The following ATP8A2 variants were observed in gnomAD, a reference collection of about 807,000 sequenced individuals.
The protein encoded by ATP8A2 is phospholipid-transporting ATPase IB.
A neutral mutation model predicts 165.6 loss-of-function variants in ATP8A2; 100 were observed. That is an observed-to-expected ratio of 0.60 (90% CI 0.51 to 0.71). The LOEUF (loss-of-function observed/expected upper bound fraction) is 0.71, where lower values mean the gene tolerates loss of function less well. Among genes scored for constraint, ATP8A2 ranks in the 30% least tolerant of loss-of-function variants. The pLI is 0.00. For synonymous variants in ATP8A2, 543 were observed against 548.8 expected (o/e 0.99, Z 0.15); for missense variants, 1,227 against 1,479.5 (o/e 0.83, Z 2.80).
At chr13:25,413,470 C>A (rs143385762) in intron 1 of ATP8A2, among the ~76,000 whole-genome samples, 1 of 151,682 alleles carries the variant, frequency 6.6e-6, no homozygotes, top group East Asian at 1.9e-4. Flanking sequence ...CTAGTAGAGA[C>A]GGAGTTTTGC....
At chr13:25,592,562 AC>A (rs2040117519) in intron 24 of ATP8A2, among the ~76,000 whole-genome samples, 1 of 152,068 alleles carries the variant, frequency 6.6e-6, no homozygotes. Context: ...GGCTCCTAGA[AC>A]CCTTGGATGT....
intron 2 of ATP8A2, among the ~76,000 whole-genome samples, chr13:25,501,855 CAGAAAGGAGTAGGACTAGA>C: frequency 6.6e-6 from 1 of 152,226 alleles, no homozygotes; most frequent in South Asian, 2.1e-4. Flanking sequence ...CCAGATTTTC[CAGAAAGGAGTAGGACTAGA>C]AGAAAGGAGG....
chr13:25,719,844 C>T (rs1014600347), intron 25 of ATP8A2, among the ~76,000 whole-genome samples: 2 of 152,190 alleles, frequency 1.3e-5, no homozygotes, highest in Non-Finnish European at 2.9e-5. Context: ...CCAGAGCTGG[C>T]ATCGCTGTGG....
At chr13:25,737,807 C>T (rs556379015) in intron 25 of ATP8A2, among the ~76,000 whole-genome samples, 23 of 152,300 alleles carry the variant, frequency 1.5e-4, no homozygotes, top group Admixed American at 2.6e-4. Flanking sequence ...CTCAGCCTCC[C>T]GAGTAGCTGG....
chr13:25,591,022 T>TCCTC (rs1383295190), intron 24 of ATP8A2, among the ~76,000 whole-genome samples: 6 of 151,844 alleles, frequency 4.0e-5, no homozygotes, highest in African/African-American at 1.5e-4. Flanking sequence ...TCTCCTGGAG[T>TCCTC]CTAATTCTCA....
chr13:25,873,520 T>G (rs1952735663), intron 33 of ATP8A2, among the ~76,000 whole-genome samples: 1 of 152,220 alleles, frequency 6.6e-6, no homozygotes, highest in African/African-American at 2.4e-5. Flanking sequence ...CTAAGCAAGA[T>G]TATTATTTAA....
intron 35 of ATP8A2, among the ~76,000 whole-genome samples, chr13:25,996,423 GCTT>G (rs1310928498): frequency 1.3e-5 from 2 of 152,120 alleles, no homozygotes; most frequent in Admixed American, 6.6e-5. Flanking sequence ...CAAAAGAAAA[GCTT>G]CTTGTATTTA....
intron 18 of ATP8A2, among the ~76,000 whole-genome samples, chr13:25,574,427 C>A (rs2039557111): frequency 6.6e-6 from 1 of 152,110 alleles, no homozygotes; most frequent in Admixed American, 6.5e-5. Flanking sequence ...TGTTGTGTAC[C>A]AGCATGTTAC....
chr13:25,988,361 C>G (rs1331741216), intron 35 of ATP8A2, among the ~76,000 whole-genome samples: 1 of 152,252 alleles, frequency 6.6e-6, no homozygotes, highest in Non-Finnish European at 1.5e-5. Flanking sequence ...CATATGCTTT[C>G]TCATGCATCC....
chr13:25,418,091 C>A (rs750747759), intron 1 of ATP8A2, among the ~76,000 whole-genome samples: 22 of 152,164 alleles, frequency 1.4e-4, no homozygotes, highest in South Asian at 2.1e-4. Flanking sequence ...CCTATTCCTT[C>A]GGTGGCTTGC....
At chr13:25,720,313 C>G (rs1430567382) in intron 25 of ATP8A2, among the ~76,000 whole-genome samples, 1 of 151,754 alleles carries the variant, frequency 6.6e-6, no homozygotes, top group Non-Finnish European at 1.5e-5. Context: ...CAGGTGCCCA[C>G]CACCATGCCA....
At chr13:25,525,688 G>T (rs2037820319) in intron 2 of ATP8A2, among the ~76,000 whole-genome samples, 1 of 152,022 alleles carries the variant, frequency 6.6e-6, no homozygotes, top group African/African-American at 2.4e-5. Flanking sequence ...TGAATTGGAG[G>T]TTCTTTATAC....
At chr13:25,970,494 C>T in intron 35 of ATP8A2, among the ~76,000 whole-genome samples, 1 of 152,244 alleles carries the variant, frequency 6.6e-6, no homozygotes, top group East Asian at 1.9e-4. Context: ...GGACCAACCA[C>T]CCAGTTTGGA....
At chr13:25,381,829 C>T (rs1235593333) in intron 1 of ATP8A2, among the ~76,000 whole-genome samples, 1 of 152,178 alleles carries the variant, frequency 6.6e-6, no homozygotes, top group Non-Finnish European at 1.5e-5. Flanking sequence ...CCGCCAGGCT[C>T]TTCTACGCAG....
At chr13:25,416,386 C>T (rs2034133416) in intron 1 of ATP8A2, among the ~76,000 whole-genome samples, 1 of 152,194 alleles carries the variant, frequency 6.6e-6, no homozygotes, top group Non-Finnish European at 1.5e-5. Flanking sequence ...CTTGTCCTGT[C>T]ATTGCCATTG....
rs550085078 is a variant in ATP8A2, at chr13:25,853,976, A to G, written c.2957-6219A>G. Among the ~76,000 whole-genome samples the G allele has an allele frequency of 2.6e-5, 4 of 152,282 alleles. No individual in the cohort carries two copies. The East Asian group carries it at 7.7e-4, about 29-fold the overall frequency. On this transcript the variant is annotated intron_variant, in intron 30 of 36. Coordinates refer to ENST00000381655, the MANE Select transcript of ATP8A2 (RefSeq NM_016529.6). Reference sequence around the variant, plus strand: ...TATGGGTGGAGAATTGAGACTCAAAACCTAAACTTTTAAAAAATGAAATAA... The same window carrying G: ...TATGGGTGGAGAATTGAGACTCAAAGCCTAAACTTTTAAAAAATGAAATAA...
chr13:25,469,067 G>T lies in ATP8A2; in HGVS notation c.167G>T (p.Arg56Leu). 2 of 1,614,032 alleles carry T rather than the reference G, an allele frequency of 1.2e-6. No individual in the cohort carries two copies. The highest frequency in any genetic ancestry group is 8.5e-7 in the Non-Finnish European group (1 of 1,179,906). Residue 56 changes from arginine (R) to leucine (L), a missense_variant, in exon 2 of 37, where the codon CGC becomes CTC. Arg to Leu is a moderately radical substitution (Grantham distance 102, BLOSUM62 -2). Coordinates refer to ENST00000381655, the MANE Select transcript of ATP8A2 (RefSeq NM_016529.6). ...SVGDQLEAPA[R>L]TIYLNQPHLN... Reference sequence around the variant, plus strand: ...GGAGACCAGCTGGAGGCACCCGCCCGCACCATTTACCTCAACCAACCGCAT... The same window carrying T: ...GGAGACCAGCTGGAGGCACCCGCCCTCACCATTTACCTCAACCAACCGCAT...
At chr13:25,716,504 A>C (rs1386627548) in intron 25 of ATP8A2, among the ~76,000 whole-genome samples, 1 of 152,188 alleles carries the variant, frequency 6.6e-6, no homozygotes, top group Non-Finnish European at 1.5e-5. Context: ...ATATGTTACA[A>C]GATAAAGGTC....
intron 33 of ATP8A2, among the ~76,000 whole-genome samples, chr13:25,952,777 C>T (rs1312463404): frequency 1.3e-5 from 2 of 152,212 alleles, no homozygotes; most frequent in African/African-American, 4.8e-5. Flanking sequence ...ACCTGCACCT[C>T]AGCCAAGCCT....
Sources: gnomAD v4.1 joint callset for allele counts (sites outside exome capture counted in the v4.1 genomes callset) on GRCh38, gnomAD v4.1.1 for gene constraint, MANE v1.5 for transcripts, NCBI Gene and HGNC (gene_info 2026-07-23, HGNC 2026-07-21) for gene names.